Variants in CSMD1 observed in about 807,000 individuals in gnomAD.
CSMD1 encodes CUB and Sushi multiple domains 1.
In CSMD1, 213 loss-of-function variants were observed where a neutral mutation model predicts 417.5. That is an observed-to-expected ratio of 0.51 (90% CI 0.46 to 0.57). The LOEUF is 0.57. CSMD1 is among the 20% of genes least tolerant of loss of function. The pLI is 0.00. For missense variants in CSMD1, 6,923 were observed against 4,529.7 expected (o/e 1.53, Z -15.17); for synonymous variants, 2,862 against 1,736.8 (o/e 1.65, Z -16.11).
At chr8:4,213,644 T>A (rs1183309350) in intron 3 of CSMD1, among the ~76,000 whole-genome samples, 1 of 152,104 alleles carries the variant, frequency 6.6e-6, no homozygotes, top group Non-Finnish European at 1.5e-5. Flanking sequence ...CAGAGTAGGG[T>A]GATTGTTGCT....
chr8:4,794,358 G>T (rs1331370197), intron 1 of CSMD1, among the ~76,000 whole-genome samples: 1 of 152,132 alleles, frequency 6.6e-6, no homozygotes, highest in South Asian at 2.1e-4. Flanking sequence ...TTCTCATATA[G>T]GAGGGATTTC....
intron 5 of CSMD1, among the ~76,000 whole-genome samples, chr8:3,833,982 T>C (rs893749894): frequency 2.0e-5 from 3 of 152,160 alleles, no homozygotes; most frequent in African/African-American, 4.8e-5. Flanking sequence ...CCTATACGGT[T>C]TGAACACCAC....
chr8:3,997,932 C>A lies in CSMD1; in HGVS notation c.789G>T (p.Glu263Asp), dbSNP rs1815343242. Reference sequence around the variant, plus strand: ...TGGATGGAGCTTCCGTGCCACTGATCTCTAAGAAATCATATCCTTCTTCTA... The same window carrying A: ...TGGATGGAGCTTCCGTGCCACTGATATCTAAGAAATCATATCCTTCTTCTA... Reference protein sequence around the residue: ...FQLEEGYDFLEISGTEAPSIW... With the variant: ...FQLEEGYDFLDISGTEAPSIW... Residue 263 changes from glutamate to aspartate, a missense_variant, in exon 5 of 70, where the codon GAG becomes GAT. Glu to Asp is a conservative substitution (Grantham distance 45). Coordinates refer to ENST00000635120, the MANE Select transcript of CSMD1 (RefSeq NM_033225.6). 6.2e-7 allele frequency: 1 copy of A among 1,612,406 alleles called. No individual in the cohort carries two copies. Among genetic ancestry groups the A allele is most frequent in the Non-Finnish European group, 8.5e-7 (1 of 1,179,242 alleles).
chr8:3,937,329 T>A (rs1277803951), intron 5 of CSMD1, among the ~76,000 whole-genome samples: 1 of 152,138 alleles, frequency 6.6e-6, no homozygotes, highest in African/African-American at 2.4e-5. Context: ...CAGCAACACA[T>A]GCTATATAGA....
At chr8:4,612,067 T>C (rs1469371836) in intron 2 of CSMD1, among the ~76,000 whole-genome samples, 1 of 151,580 alleles carries the variant, frequency 6.6e-6, no homozygotes, top group African/African-American at 2.4e-5. Flanking sequence ...CCCTAGGAGG[T>C]GAGGATAGAA....
chr8:3,988,337 T>A (rs527380437), intron 5 of CSMD1, among the ~76,000 whole-genome samples: 1 of 152,196 alleles, frequency 6.6e-6, no homozygotes, highest in Non-Finnish European at 1.5e-5. Flanking sequence ...AATTCTGAAA[T>A]AGCATAACTA....
intron 5 of CSMD1, among the ~76,000 whole-genome samples, chr8:3,813,629 A>C (rs1801208578): frequency 1.3e-5 from 2 of 152,216 alleles, no homozygotes; most frequent in Admixed American, 1.3e-4. Context: ...TTTATGCAAT[A>C]ATGAACATAT....
chr8:4,624,705 ATT>A (rs1052506015), intron 2 of CSMD1, among the ~76,000 whole-genome samples: 2 of 151,954 alleles, frequency 1.3e-5, no homozygotes, highest in African/African-American at 4.8e-5. Flanking sequence ...ACAAGAATGT[ATT>A]TTTCTATGAT....
At chr8:3,727,535 T>A (rs1802563893) in intron 6 of CSMD1, among the ~76,000 whole-genome samples, 1 of 152,218 alleles carries the variant, frequency 6.6e-6, no homozygotes, top group South Asian at 2.1e-4. Flanking sequence ...ATGAGGCAGC[T>A]GTCGTGAAAA....
chr8:3,628,596 C>T (rs919746742), intron 7 of CSMD1, among the ~76,000 whole-genome samples: 4 of 152,096 alleles, frequency 2.6e-5, no homozygotes, highest in Admixed American at 1.3e-4. Context: ...ATGGCAAGTG[C>T]AGGGGGAGGA....
At position 2,961,181 on chromosome 8, in the gene CSMD1, G is replaced by A. The variant is rs201200691; in HGVS notation, c.9662C>T (p.Thr3221Met). ...PAHNTCPDPGTPHFGIQNSSR... is the reference protein window; with the variant it reads ...PAHNTCPDPGMPHFGIQNSSR... ...GCTATTCTGTATTCCAAAGTGTGGC[G>A]TACCAGGGTCTGGGCAGGTGTTATG... Residue 3221 changes from threonine to methionine, a missense_variant, in exon 62 of 70, where the codon ACG (threonine) becomes ATG (methionine). Transcript: ENST00000635120. The A allele has an allele frequency of 8.9e-5, 142 of 1,601,720 alleles. No homozygotes were observed. Among genetic ancestry groups the A allele is most frequent in the Middle Eastern group, 1.7e-4 (1 of 6,010 alleles).
At chr8:3,758,246 G>A (rs1276523050) in intron 5 of CSMD1, among the ~76,000 whole-genome samples, 2 of 152,190 alleles carry the variant, frequency 1.3e-5, no homozygotes, top group Non-Finnish European at 2.9e-5. Context: ...TTACAGGCGT[G>A]AGCCATCACA....
intron 51 of CSMD1, among the ~76,000 whole-genome samples, chr8:3,026,655 C>A (rs1347892908): frequency 6.6e-6 from 1 of 152,216 alleles, no homozygotes; most frequent in Non-Finnish European, 1.5e-5. Flanking sequence ...TGAACTCTGC[C>A]CTGTGAGACC....
At chr8:4,377,870 C>A (rs1157684478) in intron 3 of CSMD1, among the ~76,000 whole-genome samples, 1 of 152,024 alleles carries the variant, frequency 6.6e-6, no homozygotes, top group Admixed American at 6.6e-5. Context: ...GTGATTACTG[C>A]CGAAATGAAT....
chr8:4,563,357 T>G (rs1398112570), intron 2 of CSMD1, among the ~76,000 whole-genome samples: 1 of 152,128 alleles, frequency 6.6e-6, no homozygotes, highest in African/African-American at 2.4e-5. Flanking sequence ...GCTCAGATCG[T>G]GCCGCTGCAC....
intron 5 of CSMD1, among the ~76,000 whole-genome samples, chr8:3,911,452 C>T (rs1402315082): frequency 2.6e-5 from 4 of 151,298 alleles, no homozygotes; most frequent in Non-Finnish European, 4.4e-5. Flanking sequence ...GGCGTGAACC[C>T]GCGAGGCGGA....
intron 3 of CSMD1, among the ~76,000 whole-genome samples, chr8:4,319,666 G>A (rs1297670345): frequency 6.6e-6 from 1 of 152,076 alleles, no homozygotes. Context: ...AGAGAGGCCA[G>A]GGAACAGAGA....
At chr8:4,866,867 C>A (rs1008527820) in intron 1 of CSMD1, among the ~76,000 whole-genome samples, 1 of 151,966 alleles carries the variant, frequency 6.6e-6, no homozygotes, top group Admixed American at 6.6e-5. Flanking sequence ...TAATATAAAA[C>A]TTTTACATTT....
intron 10 of CSMD1, among the ~76,000 whole-genome samples, chr8:3,498,614 C>T (rs994573136): frequency 3.9e-5 from 6 of 152,314 alleles, no homozygotes; most frequent in African/African-American, 1.2e-4. Context: ...GATCTCTTCT[C>T]CTTCTAGAAC....
Sources: allele counts gnomAD v4.1 joint callset (sites outside exome capture counted in the v4.1 genomes callset), GRCh38; gene constraint gnomAD v4.1.1; transcripts MANE v1.5; gene names NCBI Gene and HGNC (gene_info 2026-07-23, HGNC 2026-07-21).